The following NRF1 variants were observed in gnomAD, a reference collection of about 807,000 sequenced individuals.
The protein encoded by NRF1 is alpha palindromic-binding protein.
Under a neutral mutation model 58.5 loss-of-function variants are expected in NRF1, and 5 were observed. That is an observed-to-expected ratio of 0.09 (90% confidence interval 0.04 to 0.18). The LOEUF (loss-of-function observed/expected upper bound fraction) is 0.18, where lower values mean the gene tolerates loss of function less well. Among genes scored for constraint, NRF1 ranks in the 10% least tolerant of loss-of-function variants. The pLI is 1.00. For missense variants in NRF1, 288 were observed against 657.7 expected (o/e 0.44, Z 6.15); for synonymous variants, 224 against 246.7 (o/e 0.91, Z 0.86).
At chr7:129,668,793 A>T (rs1801977793) in intron 2 of NRF1, among the ~76,000 whole-genome samples, 1 of 152,216 alleles carries the variant, frequency 6.6e-6, no homozygotes. Context: ...AAAGCTCTAG[A>T]ATAGGCAAAA....
At chr7:129,713,737 T>C (rs59675752) in intron 8 of NRF1, among the ~76,000 whole-genome samples, 19,838 of 152,154 alleles carry the variant, frequency 0.13, 1,627 homozygotes, top group Admixed American at 0.23. Context: ...CAGGGTGCTG[T>C]GGAACAGCAG....
At chr7:129,704,847 A>G (rs370472213) in intron 5 of NRF1, among the ~76,000 whole-genome samples, 5 of 152,318 alleles carry the variant, frequency 3.3e-5, no homozygotes, top group African/African-American at 7.2e-5. Flanking sequence ...GGGATGCTCA[A>G]TCTCTCCAGA....
chr7:129,677,078 T>C (rs1465071159), intron 3 of NRF1, among the ~76,000 whole-genome samples: 1 of 144,260 alleles, frequency 6.9e-6, no homozygotes, highest in Non-Finnish European at 1.5e-5. Context: ...TGGCACCATC[T>C]TGGTTCACTG....
intron 5 of NRF1, among the ~76,000 whole-genome samples, chr7:129,696,509 T>C (rs975186443): frequency 2.6e-5 from 4 of 152,182 alleles, no homozygotes; most frequent in Admixed American, 6.5e-5. Context: ...AGCTCAGATA[T>C]AGCTTATAGC....
intron 1 of NRF1, among the ~76,000 whole-genome samples, chr7:129,629,463 C>T (rs551360809): frequency 2.4e-4 from 37 of 152,134 alleles, no homozygotes; most frequent in Middle Eastern, 3.4e-3. Context: ...TTTAGTGAGA[C>T]GGGGTTTTGC....
At chr7:129,635,426 T>G (rs1801147447) in intron 1 of NRF1, among the ~76,000 whole-genome samples, 1 of 152,168 alleles carries the variant, frequency 6.6e-6, no homozygotes, top group African/African-American at 2.4e-5. Context: ...TACAGTTCTT[T>G]AAAGAGGACC....
chr7:129,693,913 G>A (rs551218367), intron 5 of NRF1, among the ~76,000 whole-genome samples: 1 of 152,238 alleles, frequency 6.6e-6, no homozygotes, highest in South Asian at 2.1e-4. Flanking sequence ...AGCAGTCTGA[G>A]GTTTTGATTA....
At chr7:129,743,162 C>T (rs1432616543) in intron 10 of NRF1, among the ~76,000 whole-genome samples, 2 of 121,412 alleles carry the variant, frequency 1.6e-5, no homozygotes, top group Non-Finnish European at 3.6e-5. Context: ...TTTGCCTACT[C>T]CTACCCCTTG....
chr7:129,625,721 G>A (rs376566731), intron 1 of NRF1, among the ~76,000 whole-genome samples: 31 of 111,368 alleles, frequency 2.8e-4, no homozygotes, highest in East Asian at 2.7e-3. Flanking sequence ...TCGCTCTGTT[G>A]CCCAGGCTGG....
chr7:129,645,840 A>G (rs925348849), intron 1 of NRF1, among the ~76,000 whole-genome samples: 2 of 152,016 alleles, frequency 1.3e-5, no homozygotes, highest in African/African-American at 4.8e-5. Context: ...TGTGTGAAGC[A>G]TTTTATTTTT....
intron 5 of NRF1, among the ~76,000 whole-genome samples, chr7:129,692,800 T>A (rs572874212): frequency 6.6e-6 from 1 of 152,300 alleles, no homozygotes; most frequent in East Asian, 1.9e-4. Context: ...TCCGTTATTT[T>A]GCTTTTGCTG....
chr7:129,625,940 C>T (rs909226311), intron 1 of NRF1, among the ~76,000 whole-genome samples: 1 of 152,062 alleles, frequency 6.6e-6, no homozygotes, highest in East Asian at 1.9e-4. Flanking sequence ...CCTTGGCCTC[C>T]CAAAGTGCTG....
chr7:129,655,094 A>C (rs777392780), intron 1 of NRF1, among the ~76,000 whole-genome samples: 1 of 152,136 alleles, frequency 6.6e-6, no homozygotes, highest in Non-Finnish European at 1.5e-5. Context: ...AACATGGAAT[A>C]TCTCTCTCTA....
chr7:129,748,653 T>C (rs559208780), intron 10 of NRF1, among the ~76,000 whole-genome samples: 33 of 151,622 alleles, frequency 2.2e-4, no homozygotes, highest in Non-Finnish European at 4.3e-4. Flanking sequence ...ATTTTCCTGA[T>C]AGGAGAAAGC....
intron 1 of NRF1, among the ~76,000 whole-genome samples, chr7:129,628,034 C>CTTTTTT (rs67262888): frequency 1.4e-5 from 1 of 72,056 alleles, no homozygotes; most frequent in Non-Finnish European, 2.6e-5. Flanking sequence ...GCCAATGGTT[C>CTTTTTT]TTTTTTTTTT....
intron 1 of NRF1, among the ~76,000 whole-genome samples, chr7:129,620,123 C>G (rs1800759025): frequency 6.6e-6 from 1 of 152,096 alleles, no homozygotes; most frequent in Non-Finnish European, 1.5e-5. Context: ...GTTATCTCAA[C>G]AAGTGAGACA....
At chr7:129,743,914 A>G (rs1271541894) in intron 10 of NRF1, among the ~76,000 whole-genome samples, 1 of 152,170 alleles carries the variant, frequency 6.6e-6, no homozygotes, top group Non-Finnish European at 1.5e-5. Flanking sequence ...CACATCACAA[A>G]TTCCAACGGC....
intron 9 of NRF1, among the ~76,000 whole-genome samples, chr7:129,723,249 G>A (rs967439582): frequency 1.3e-5 from 2 of 151,986 alleles, no homozygotes; most frequent in African/African-American, 4.8e-5. Context: ...TTCGAGACCA[G>A]CCTGGCCAAC....
intron 1 of NRF1, among the ~76,000 whole-genome samples, chr7:129,638,831 T>C (rs185284650): frequency 6.6e-6 from 1 of 152,304 alleles, no homozygotes; most frequent in East Asian, 1.9e-4. Flanking sequence ...ATGGAGATGT[T>C]ATGCCTAGTT....
Sources: allele counts gnomAD v4.1 joint callset (sites outside exome capture counted in the v4.1 genomes callset), GRCh38; gene constraint gnomAD v4.1.1; transcripts MANE v1.5; gene names NCBI Gene and HGNC (gene_info 2026-07-23, HGNC 2026-07-21).